Variants in SPON1 observed in about 807,000 individuals in gnomAD.
SPON1 encodes the protein spondin 1.
Under a neutral mutation model 111.7 loss-of-function variants are expected in SPON1, and 52 were observed. The observed-to-expected ratio is 0.47, with a 90% confidence interval of 0.37 to 0.59. The LOEUF (loss-of-function observed/expected upper bound fraction) is 0.59, where lower values mean the gene tolerates loss of function less well. SPON1 is among the 20% of genes least tolerant of loss of function. The pLI is 0.00. For synonymous variants in SPON1, 410 were observed against 395.8 expected, an observed-to-expected ratio of 1.04 and a Z score of -0.43; for missense variants, 957 against 1,068.5, an observed-to-expected ratio of 0.90 and a Z score of 1.46.
intron 2 of SPON1, among the ~76,000 whole-genome samples, chr11:13,994,323 CTT>C: frequency 6.6e-6 from 1 of 152,240 alleles, no homozygotes; most frequent in Middle Eastern, 3.4e-3. Context: ...TTGCATAAAA[CTT>C]TTTCTCATTT....
chr11:14,041,437 A>T, intron 2 of SPON1, 84 bp from the exon 3 acceptor site: 1 of 1,482,374 alleles, frequency 6.7e-7, no homozygotes, highest in Non-Finnish European at 9.2e-7. Flanking sequence ...TTTAAAAATA[A>T]AGTTAAGGAA....
intron 6 of SPON1, among the ~76,000 whole-genome samples, chr11:14,238,317 C>T (rs1848888629): frequency 6.6e-6 from 1 of 151,648 alleles, no homozygotes; most frequent in Non-Finnish European, 1.5e-5. Flanking sequence ...CTCAGTGCTA[C>T]CAGCAGCAAA....
At chr11:14,050,120 G>A (rs1554918302) in intron 3 of SPON1, among the ~76,000 whole-genome samples, 6 of 152,190 alleles carry the variant, frequency 3.9e-5, no homozygotes. Context: ...CCCAGCTGCA[G>A]CTGCTACAAG....
chr11:13,988,143 C>G (rs1455965433), intron 2 of SPON1, among the ~76,000 whole-genome samples: 2 of 152,084 alleles, frequency 1.3e-5, no homozygotes, highest in Non-Finnish European at 2.9e-5. Flanking sequence ...TTACTTTGGG[C>G]AGTATGGCCA....
chr11:14,224,827 T>G (rs1256036902), intron 6 of SPON1: 1 of 382,814 alleles, frequency 2.6e-6, no homozygotes, highest in Non-Finnish European at 5.2e-6. Flanking sequence ...AAATTGGGCT[T>G]TACCCCTAAA....
chr11:14,063,005 C>G (rs576321834), intron 3 of SPON1, among the ~76,000 whole-genome samples: 1 of 151,830 alleles, frequency 6.6e-6, no homozygotes, highest in East Asian at 1.9e-4. Context: ...CTCCTTCCCT[C>G]TTTTTTTCCT....
chr11:13,973,239 A>G (rs1391100488), intron 1 of SPON1, among the ~76,000 whole-genome samples: 3 of 152,224 alleles, frequency 2.0e-5, no homozygotes, highest in East Asian at 1.9e-4. Flanking sequence ...GGCCAGGGCA[A>G]TGGCATGGAG....
intron 3 of SPON1, among the ~76,000 whole-genome samples, chr11:14,051,268 C>T (rs185594340): frequency 3.5e-4 from 54 of 152,288 alleles, no homozygotes; most frequent in African/African-American, 1.3e-3. Flanking sequence ...GATGTGGTGG[C>T]TCACACCTGT....
At chr11:14,098,518 T>C (rs1849119522) in intron 5 of SPON1, among the ~76,000 whole-genome samples, 1 of 152,240 alleles carries the variant, frequency 6.6e-6, no homozygotes, top group South Asian at 2.1e-4. Flanking sequence ...TTCTCAATAA[T>C]TCTTGCCTTA....
At chr11:14,113,803 A>C (rs1265728116) in intron 5 of SPON1, among the ~76,000 whole-genome samples, 1 of 151,166 alleles carries the variant, frequency 6.6e-6, no homozygotes, top group Non-Finnish European at 1.5e-5. Flanking sequence ...ACGGGGTTTC[A>C]CTGTGTTAGC....
intron 6 of SPON1, among the ~76,000 whole-genome samples, chr11:14,217,242 T>G (rs1564933234): frequency 6.6e-6 from 1 of 152,214 alleles, no homozygotes; most frequent in Non-Finnish European, 1.5e-5. Flanking sequence ...TTCGGTTGTT[T>G]CAGCCAGCAC....
In SPON1 at chr11:14,265,885, A is replaced by C. The variant is rs1591433170; in HGVS notation, c.*198A>C. On this transcript the variant is annotated 3_prime_UTR_variant, in exon 16 of 16. Coordinates refer to ENST00000576479, the MANE Select transcript of SPON1 (RefSeq NM_006108.4). Reference sequence around the variant, plus strand: ...GGTACAGGCTGAGTGGGGCGCCCTCACCTCCAGCCAGCCTCTTCCTGCAGA... The same window carrying C: ...GGTACAGGCTGAGTGGGGCGCCCTCCCCTCCAGCCAGCCTCTTCCTGCAGA... The C allele has an allele frequency of 1.8e-6, 1 of 543,718 alleles. No individual in the cohort carries two copies. The highest frequency in any genetic ancestry group is 3.2e-6 in the Non-Finnish European group (1 of 314,884). 33.7% of individuals were successfully genotyped at this position (543,718 alleles called of 1,614,324 possible). A position where few individuals can be genotyped will look rare whatever the true frequency, so the allele number is the denominator to read the frequency against.
At chr11:13,983,850 G>A (rs1848162740) in intron 2 of SPON1, among the ~76,000 whole-genome samples, 2 of 152,190 alleles carry the variant, frequency 1.3e-5, no homozygotes, top group African/African-American at 4.8e-5. Flanking sequence ...ACCCATAGCT[G>A]GCTGCTGGAG....
chr11:14,094,803 G>T (rs782575207), intron 5 of SPON1, among the ~76,000 whole-genome samples: 1 of 152,262 alleles, frequency 6.6e-6, no homozygotes. Context: ...AAGGCCATAT[G>T]TGGCTGCTGA....
intron 5 of SPON1, among the ~76,000 whole-genome samples, chr11:14,126,884 AC>A (rs1466256241): frequency 6.6e-6 from 1 of 152,144 alleles, no homozygotes; most frequent in Non-Finnish European, 1.5e-5. Flanking sequence ...GTCCCAGCTA[AC>A]TGAGATCTGC....
intron 6 of SPON1, among the ~76,000 whole-genome samples, chr11:14,159,586 A>T (rs1554930718): frequency 6.6e-6 from 1 of 152,176 alleles, no homozygotes; most frequent in East Asian, 1.9e-4. Context: ...CTGCACTCCC[A>T]TATTTGTTGC....
intron 3 of SPON1, among the ~76,000 whole-genome samples, chr11:14,057,373 G>A (rs1554919274): frequency 2.6e-5 from 4 of 152,166 alleles, no homozygotes; most frequent in African/African-American, 4.8e-5. Flanking sequence ...AAGTTTCAAA[G>A]TCAAAGACTG....
intron 5 of SPON1, among the ~76,000 whole-genome samples, chr11:14,106,171 C>T (rs148258836): frequency 5.2e-4 from 79 of 152,276 alleles, no homozygotes; most frequent in African/African-American, 1.6e-3. Context: ...CATTTAAGCA[C>T]GATGACAACC....
chr11:14,186,349 TAGA>T (rs1201112875), intron 6 of SPON1, among the ~76,000 whole-genome samples: 1 of 152,206 alleles, frequency 6.6e-6, no homozygotes, highest in East Asian at 1.9e-4. Context: ...AGAGGCTGTA[TAGA>T]AGAACAGAGA....
Sources: allele counts gnomAD v4.1 joint callset (sites outside exome capture counted in the v4.1 genomes callset), GRCh38; gene constraint gnomAD v4.1.1; transcripts MANE v1.5; gene names NCBI Gene and HGNC (gene_info 2026-07-23, HGNC 2026-07-21).